The following TENM4 variants were observed in gnomAD, a reference collection of about 807,000 sequenced individuals.
TENM4 encodes the protein teneurin transmembrane protein 4.
TENM4 carries 82 observed loss-of-function variants against 243.3 expected under a neutral mutation model. The ratio of observed to expected loss-of-function variants is 0.34; its 90% confidence interval spans 0.28 to 0.40. TENM4 has a LOEUF of 0.40. TENM4 is among the 10% of genes least tolerant of loss of function. The pLI is 1.00. For synonymous variants in TENM4, 1,412 were observed against 1,456.3 expected, an observed-to-expected ratio of 0.97 and a Z score of 0.69; for missense variants, 3,138 against 3,673.3, an observed-to-expected ratio of 0.85 and a Z score of 3.77.
At chr11:78,791,814 G>A (rs1048159869) in intron 15 of TENM4, among the ~76,000 whole-genome samples, 1 of 152,192 alleles carries the variant, frequency 6.6e-6, no homozygotes, top group Non-Finnish European at 1.5e-5. Context: ...GAATTCTGAC[G>A]TTTGCAACAT....
intron 4 of TENM4, 147 bp from the exon 5 acceptor site, chr11:79,070,156 T>C: frequency 9.5e-7 from 1 of 1,056,986 alleles, no homozygotes; most frequent in Non-Finnish European, 1.3e-6. Flanking sequence ...ACGCAGCCCA[T>C]AAGTGGCAAA....
rs956383710 is a variant in TENM4 at position 79,203,551 on chromosome 11, T to C, written c.-163+12257A>G. On this transcript the variant is annotated intron_variant, in intron 3 of 33. Coordinates refer to ENST00000278550, the MANE Select transcript of TENM4 (RefSeq NM_001098816.3). Reference sequence around the variant, plus strand: ...CATACATATCTATAATAAAGTTTAATTTATAAATTAGGCACAATCAGAGAT... The same window carrying C: ...CATACATATCTATAATAAAGTTTAACTTATAAATTAGGCACAATCAGAGAT... Among the ~76,000 whole-genome samples, 4 of 152,208 alleles carry C rather than the reference T, an allele frequency of 2.6e-5. No homozygotes were observed. The East Asian group carries it at 5.8e-4, about 22-fold the overall frequency.
intron 1 of TENM4, among the ~76,000 whole-genome samples, chr11:79,435,498 TC>T (rs1279105829): frequency 6.6e-6 from 1 of 152,172 alleles, no homozygotes; most frequent in Admixed American, 6.5e-5. Context: ...GCCCCTTAGA[TC>T]TAGAATTGAC....
chr11:79,054,928 C>G (rs1210997982), intron 6 of TENM4, among the ~76,000 whole-genome samples: 1 of 151,938 alleles, frequency 6.6e-6, no homozygotes, highest in East Asian at 1.9e-4. Context: ...GTCAGGAGTT[C>G]AAGACCAGCC....
At chr11:78,795,947 T>A (rs1250381169) in intron 15 of TENM4, among the ~76,000 whole-genome samples, 1 of 152,144 alleles carries the variant, frequency 6.6e-6, no homozygotes, top group South Asian at 2.1e-4. Flanking sequence ...TCTCCTGTGC[T>A]TTTCAACTTC....
At chr11:79,136,797 T>C (rs1862118549) in intron 4 of TENM4, among the ~76,000 whole-genome samples, 2 of 152,140 alleles carry the variant, frequency 1.3e-5, no homozygotes, top group South Asian at 4.1e-4. Context: ...GCTAAAGAAG[T>C]GTGACAGTGG....
At chr11:79,361,950 A>C (rs925542972) in intron 1 of TENM4, among the ~76,000 whole-genome samples, 7 of 152,236 alleles carry the variant, frequency 4.6e-5, no homozygotes, top group African/African-American at 1.7e-4. Context: ...TTACAAGTCC[A>C]GTCTAAAAAC....
chr11:78,891,378 A>G (rs1428344782), intron 7 of TENM4, 42 bp from the exon 8 acceptor site: 1 of 1,510,186 alleles, frequency 6.6e-7, no homozygotes, highest in South Asian at 1.2e-5. Context: ...TGAGTCATGC[A>G]TTGATGAAGG....
chr11:79,251,040 C>G (rs1417847143), intron 2 of TENM4, among the ~76,000 whole-genome samples: 1 of 151,956 alleles, frequency 6.6e-6, no homozygotes, highest in Admixed American at 6.5e-5. Flanking sequence ...GGAAAAAAAG[C>G]AATTAAGAAA....
intron 1 of TENM4, among the ~76,000 whole-genome samples, chr11:79,416,912 G>A (rs969050557): frequency 1.3e-5 from 2 of 152,088 alleles, no homozygotes; most frequent in Non-Finnish European, 2.9e-5. Flanking sequence ...GACACTACAG[G>A]CAACTGTAAC....
At chr11:79,227,582 A>G (rs1864296298) in intron 2 of TENM4, among the ~76,000 whole-genome samples, 1 of 152,188 alleles carries the variant, frequency 6.6e-6, no homozygotes, top group African/African-American at 2.4e-5. Context: ...GAAGAGTGAT[A>G]GGTGGGGCCA....
intron 2 of TENM4, among the ~76,000 whole-genome samples, chr11:79,278,547 T>C (rs1428298863): frequency 6.6e-6 from 1 of 152,116 alleles, no homozygotes; most frequent in Non-Finnish European, 1.5e-5. Flanking sequence ...CTTCCCAGAC[T>C]CCAGACATCG....
chr11:78,661,358 T>C, intron 33 of TENM4, 91 bp downstream of exon 33: 1 of 1,495,886 alleles, frequency 6.7e-7, no homozygotes, highest in Non-Finnish European at 9.0e-7. Flanking sequence ...TTGGTGTCTA[T>C]CACTGGCCCA....
chr11:78,951,286 C>T (rs756783304), intron 6 of TENM4, among the ~76,000 whole-genome samples: 7 of 152,218 alleles, frequency 4.6e-5, no homozygotes, highest in South Asian at 2.1e-4. Flanking sequence ...GTTCACTCTC[C>T]AGCACAGGAC....
intron 6 of TENM4, among the ~76,000 whole-genome samples, chr11:79,037,239 G>A (rs1331949614): frequency 6.6e-6 from 1 of 152,180 alleles, no homozygotes; most frequent in Non-Finnish European, 1.5e-5. Context: ...AGGCTCTCTT[G>A]CTGTCAGCTG....
chr11:79,437,629 T>G, intron 1 of TENM4, among the ~76,000 whole-genome samples: 1 of 152,138 alleles, frequency 6.6e-6, no homozygotes, highest in East Asian at 1.9e-4. Flanking sequence ...GGCCGACTCC[T>G]GTACCACGAA....
At chr11:78,793,598 T>C (rs182022850) in intron 15 of TENM4, among the ~76,000 whole-genome samples, 20 of 152,294 alleles carry the variant, frequency 1.3e-4, no homozygotes, top group African/African-American at 4.6e-4. Context: ...CTGGCATACT[T>C]AAAGTCCAAG....
rs1489775215 is a variant in TENM4, at chr11:78,654,261, G to A, written c.*3797C>T. ...ATAGCCTGGACTTTGAGCAGTGGAT[G>A]CTCAAATCCCCAAGCCTGACACCCT... On this transcript the variant is annotated 3_prime_UTR_variant, in exon 34 of 34. Transcript: ENST00000278550. 2 of 152,176 alleles carry A rather than the reference G, an allele frequency of 1.3e-5. No homozygotes were observed. Among genetic ancestry groups the A allele is most frequent in the African/African-American group, 4.8e-5 (2 of 41,426 alleles). The allele number at this position is 152,176 out of a possible 1,614,324, so 9.4% of individuals were successfully genotyped here.
chr11:79,052,220 C>A (rs1035306406), intron 6 of TENM4, among the ~76,000 whole-genome samples: 48 of 152,222 alleles, frequency 3.2e-4, no homozygotes, highest in African/African-American at 1.1e-3. Flanking sequence ...AATGGTTCAA[C>A]TAATTTACAC....
Sources: gnomAD v4.1 joint callset for allele counts (sites outside exome capture counted in the v4.1 genomes callset) on GRCh38, gnomAD v4.1.1 for gene constraint, MANE v1.5 for transcripts, NCBI Gene and HGNC (gene_info 2026-07-23, HGNC 2026-07-21) for gene names.